Variants in KDM7A observed in about 807,000 individuals in gnomAD.
The protein encoded by KDM7A is lysine-specific demethylase 7A.
Under a neutral mutation model 114.8 loss-of-function variants are expected in KDM7A, and 28 were observed. The ratio of observed to expected loss-of-function variants is 0.24; its 90% CI spans 0.18 to 0.33. KDM7A has a LOEUF of 0.33. Ranked by LOEUF, KDM7A falls within the 10% of genes least tolerant of loss-of-function variation. KDM7A has a pLI of 1.00. For missense variants in KDM7A, 942 were observed against 1,142.5 expected (o/e 0.82, Z 2.53); for synonymous variants, 423 against 397.8 (o/e 1.06, Z -0.75).
chr7:140,176,799 C>T lies in KDM7A; in HGVS notation c.139G>A (p.Asp47Asn), dbSNP rs1794716359. The change falls in exon 1 of 20, where the codon GAC becomes AAC. Residue 47 changes from aspartate (D) to asparagine (N), a missense_variant. Transcript: ENST00000397560. This position sits in a 1 kb window ranked among gnomAD's most constrained non-coding sequence, Gnocchi z 4.4. ...CACTCGATCATGAAGCGGTTCACGT[C>T]GTACGGCTGCCGGCACACACAGTAC... Reference protein sequence around the residue: ...PVYCVCRQPYDVNRFMIECDI... With the variant: ...PVYCVCRQPYNVNRFMIECDI... The T allele has an allele frequency of 3.5e-6, 5 of 1,416,326 alleles. No individual in the cohort carries two copies. The highest frequency in any genetic ancestry group is 4.7e-6 in the Non-Finnish European group (5 of 1,063,336). 87.7% of individuals were successfully genotyped at this position (1,416,326 alleles called of 1,614,324 possible).
chr7:140,137,474 C>A (rs917911246), intron 2 of KDM7A, among the ~76,000 whole-genome samples: 1 of 152,146 alleles, frequency 6.6e-6, no homozygotes, highest in Non-Finnish European at 1.5e-5. Context: ...TTAGTTAAGT[C>A]TCCCTTGAGA....
intron 9 of KDM7A, among the ~76,000 whole-genome samples, chr7:140,114,740 C>T (rs1438420339): frequency 7.4e-5 from 11 of 148,594 alleles, no homozygotes; most frequent in South Asian, 4.3e-4. Context: ...TCTGCCCGGC[C>T]GCCCATCGTC....
intron 1 of KDM7A, among the ~76,000 whole-genome samples, chr7:140,154,499 TAAAAAAAA>T (rs397974321): frequency 1.3e-5 from 1 of 74,318 alleles, no homozygotes; most frequent in Non-Finnish European, 2.9e-5. Flanking sequence ...CTCTTAAAAT[TAAAAAAAA>T]AAAAAAAAAA....
chr7:140,115,812 AT>A (rs1214012536), intron 9 of KDM7A, among the ~76,000 whole-genome samples: 163 of 128,272 alleles, frequency 1.3e-3, no homozygotes, highest in African/African-American at 4.9e-3. Context: ...TTTAAAAAAA[AT>A]AAATAAATAA....
intron 4 of KDM7A, 104 bp downstream of exon 4, chr7:140,129,389 G>A: frequency 1.0e-6 from 1 of 1,003,254 alleles, no homozygotes; most frequent in Non-Finnish European, 1.5e-6. Context: ...TTTCTGAGCA[G>A]AAAACTAAAT....
intron 15 of KDM7A, 87 bp from the exon 16 acceptor site, chr7:140,097,134 G>C: frequency 1.1e-6 from 1 of 908,286 alleles, no homozygotes; most frequent in South Asian, 1.8e-5. Flanking sequence ...TATACATCTA[G>C]AGAAAGTCAG....
chr7:140,175,774 C>T (rs1312973158), intron 1 of KDM7A, among the ~76,000 whole-genome samples: 1 of 151,692 alleles, frequency 6.6e-6, no homozygotes, highest in East Asian at 2.0e-4. Flanking sequence ...CCGCCGCCGC[C>T]AGCCGGCCCC....
intron 1 of KDM7A, among the ~76,000 whole-genome samples, chr7:140,175,718 G>C (rs984926275): frequency 6.6e-6 from 1 of 152,128 alleles, no homozygotes; most frequent in African/African-American, 2.4e-5. Context: ...GCTCTCAAAC[G>C]TCAAACCCGG....
At position 140,115,299 on chromosome 7, in the gene KDM7A, C is replaced by CAACA. The variant is rs1818508214; in HGVS notation, c.1247-1721_1247-1718dup. 2.0e-5 allele frequency among the ~76,000 whole-genome samples: 3 copies of CAACA among 152,238 alleles called. No homozygotes were observed. The South Asian group carries it at 6.2e-4, about 31-fold the overall frequency. On this transcript the variant is annotated intron_variant, in intron 9 of 19. Coordinates refer to ENST00000397560, the MANE Select transcript of KDM7A (RefSeq NM_030647.2). ...GCCACCCCGTCTGGGAGGTGTAACC[C>CAACA]AACAGCTCATTGAGATCGGGCCATG...
At chr7:140,100,721 T>TATATATATATATATACAC (rs1818205184) in intron 12 of KDM7A, among the ~76,000 whole-genome samples, 1 of 57,234 alleles carries the variant, frequency 1.7e-5, no homozygotes, top group Non-Finnish European at 3.5e-5. Flanking sequence ...CATATATATA[T>TATATATATATATATACAC]ATATATATAT....
chr7:140,150,123 C>T (rs1030514086), intron 1 of KDM7A, among the ~76,000 whole-genome samples: 1 of 152,144 alleles, frequency 6.6e-6, no homozygotes, highest in African/African-American at 2.4e-5. Flanking sequence ...CACTAAGCAC[C>T]TTGAGCCCAG....
At chr7:140,169,025 T>C (rs779831680) in intron 1 of KDM7A, among the ~76,000 whole-genome samples, 2 of 152,308 alleles carry the variant, frequency 1.3e-5, no homozygotes, top group African/African-American at 4.8e-5. Context: ...AATTAGTGTA[T>C]TTCCTAGCTC....
chr7:140,101,910 C>T lies in KDM7A; in HGVS notation c.1638+41G>A, dbSNP rs201084907. ...TTATCCCTATAAAGACTTTAAGGAA[C>T]AGCCAAGTTTCTTTTTGTTGTCATG... On this transcript the variant is annotated intron_variant, in intron 12 of 19. Transcript: ENST00000397560. The T allele has an allele frequency of 1.4e-5, 19 of 1,340,282 alleles. No individual in the cohort carries two copies. The Admixed American group carries it at 2.4e-4, about 17-fold the overall frequency. 83.0% of individuals were successfully genotyped at this position (1,340,282 alleles called of 1,614,324 possible). A position where few individuals can be genotyped will look rare whatever the true frequency, so the allele number is the denominator to read the frequency against.
chr7:140,145,513 T>G lies in KDM7A; in HGVS notation c.195-6323A>C, dbSNP rs146622759. 5.8e-4 allele frequency among the ~76,000 whole-genome samples: 89 copies of G among 152,322 alleles called. 1 individual carries two copies. Among genetic ancestry groups the G allele is most frequent in the African/African-American group, 2.0e-3 (83 of 41,564 alleles). Reference sequence around the variant, plus strand: ...ATAAGATCCAAGTGTGGAAACAGTGTGTGGCTAAAGGGCAACAAAAAGATC... The same window carrying G: ...ATAAGATCCAAGTGTGGAAACAGTGGGTGGCTAAAGGGCAACAAAAAGATC... On this transcript the variant is annotated intron_variant, in intron 1 of 19. Coordinates refer to ENST00000397560, the MANE Select transcript of KDM7A (RefSeq NM_030647.2).
chr7:140,160,760 G>C (rs147577983), intron 1 of KDM7A, among the ~76,000 whole-genome samples: 2 of 152,300 alleles, frequency 1.3e-5, no homozygotes, highest in East Asian at 3.9e-4. Flanking sequence ...CTGGGGATAA[G>C]ACCTCTTCTA....
At chr7:140,102,232 T>TA in intron 11 of KDM7A, 72 bp from the exon 12 acceptor site, 1 of 1,102,264 alleles carries the variant, frequency 9.1e-7, no homozygotes, top group Non-Finnish European at 1.4e-6. Flanking sequence ...TAATCATCCA[T>TA]AAAAATATTT....
rs36126233 is a variant in KDM7A, at chr7:140,103,456, TCC to T, written c.1429-1298_1429-1297del. Among the ~76,000 whole-genome samples, 191 of 147,708 alleles carry T rather than the reference TCC, an allele frequency of 1.3e-3. 2 individuals are homozygous for T. The highest frequency in any genetic ancestry group is 4.5e-3 in the African/African-American group (181 of 40,362). On this transcript the variant is annotated intron_variant, in intron 11 of 19. Transcript: ENST00000397560. ...TTAGGATTTCTCCTAATGTTATCCCTCCCCCCCCCTCCAACCCACGACAGGTC... is the reference window on the plus strand; with the variant it reads ...TTAGGATTTCTCCTAATGTTATCCCTCCCCCCCTCCAACCCACGACAGGTC...
chr7:140,154,339 TAAA>T (rs1265898160), intron 1 of KDM7A, among the ~76,000 whole-genome samples: 1 of 150,742 alleles, frequency 6.6e-6, no homozygotes, highest in Non-Finnish European at 1.5e-5. Context: ...AAAAAGTTTT[TAAA>T]AATTAGCCAG....
chr7:140,096,793 A>C (rs370565286), intron 16 of KDM7A, 30 bp from the exon 17 acceptor site: 2 of 1,601,002 alleles, frequency 1.2e-6, no homozygotes, highest in East Asian at 2.2e-5. Context: ...AAAACACAAG[A>C]GTCTATTTTT....
Sources: allele counts gnomAD v4.1 joint callset (sites outside exome capture counted in the v4.1 genomes callset), GRCh38; gene constraint gnomAD v4.1.1; non-coding constraint Gnocchi (gnomAD v3.1); transcripts MANE v1.5; gene names NCBI Gene and HGNC (gene_info 2026-07-23, HGNC 2026-07-21).